Variants in SLC49A4 observed in about 807,000 individuals in gnomAD.
The protein encoded by SLC49A4 is disrupted in renal cancer protein 2.
A neutral mutation model predicts 50.6 loss-of-function variants in SLC49A4; 36 were observed. The observed-to-expected ratio is 0.71, with a 90% CI of 0.55 to 0.94. The LOEUF is 0.94. Among genes scored for constraint, SLC49A4 ranks in the 40% least tolerant of loss-of-function variants. SLC49A4 has a pLI of 0.00. For missense variants in SLC49A4, 503 were observed against 605.7 expected, an observed-to-expected ratio of 0.83 and a Z score of 1.78; for synonymous variants, 248 against 241.2, an observed-to-expected ratio of 1.03 and a Z score of -0.26.
At position 122,795,519 on chromosome 3, in the gene SLC49A4, G is replaced by A. The variant is rs1033396743; in HGVS notation, c.327G>A (p.Trp109Ter). ...TCCTGCCCTGCTTCGCGTTCATGTGGCTCCTGGACAAGAGAGGTGAGGGGT... is the reference window on the plus strand; with the variant it reads ...TCCTGCCCTGCTTCGCGTTCATGTGACTCCTGGACAAGAGAGGTGAGGGGT... ...IGFLPCFAFM[W>*]LLDKRGLRIT... Residue 109 changes from tryptophan to a stop codon, truncating the protein, a stop_gained, in exon 1 of 9, where the codon TGG becomes TGA. Coordinates refer to ENST00000261038, the MANE Select transcript of SLC49A4 (RefSeq NM_032839.3). LOFTEE classifies it high-confidence loss of function. 6.2e-7 allele frequency: 1 copy of A among 1,600,014 alleles called. No individual in the cohort carries two copies. The highest frequency in any genetic ancestry group is 1.7e-5 in the Admixed American group (1 of 59,512).
intron 3 of SLC49A4, among the ~76,000 whole-genome samples, chr3:122,828,372 C>G (rs2877665): frequency 0.17 from 25,410 of 152,120 alleles, 3,049 homozygotes; most frequent in East Asian, 0.52. Context: ...CCTGGAGATG[C>G]AGCTTCTAAA....
At chr3:122,838,306 T>C (rs1321854752) in intron 4 of SLC49A4, among the ~76,000 whole-genome samples, 5 of 152,112 alleles carry the variant, frequency 3.3e-5, no homozygotes, top group Non-Finnish European at 7.4e-5. Context: ...GGAACCAACC[T>C]AAATATCCAA....
chr3:122,859,585 G>A (rs189941625), intron 6 of SLC49A4, among the ~76,000 whole-genome samples: 22 of 152,324 alleles, frequency 1.4e-4, no homozygotes, highest in Admixed American at 8.5e-4. Context: ...GGTGGCTCAT[G>A]CCTGTAATAC....
At chr3:122,834,053 G>GTAT (rs1341945166) in intron 4 of SLC49A4, among the ~76,000 whole-genome samples, 1 of 151,942 alleles carries the variant, frequency 6.6e-6, no homozygotes, top group Non-Finnish European at 1.5e-5. Context: ...TTAATTCTTG[G>GTAT]GATATATAAA....
intron 2 of SLC49A4, among the ~76,000 whole-genome samples, chr3:122,822,479 C>T (rs1030971362): frequency 2.6e-5 from 4 of 152,116 alleles, no homozygotes; most frequent in Admixed American, 2.0e-4. Flanking sequence ...ATCTAGATTT[C>T]GATTTCCTCA....
Position 122,856,515 on chromosome 3 carries a change from C to G in SLC49A4, c.1010+141C>G, listed in dbSNP as rs761313479. On this transcript the variant is annotated intron_variant, in intron 6 of 8. Transcript: ENST00000261038. ...CAGAAAGGGGTACTTGTTCAGAGTA[C>G]AAGAAAATTCATATGCGTTATATAG... The G allele has an allele frequency of 9.0e-5, 68 of 757,138 alleles. 1 individual carries two copies. The highest frequency in any genetic ancestry group is 1.7e-4 in the Admixed American group (7 of 42,042). 46.9% of individuals were successfully genotyped at this position (757,138 alleles called of 1,614,324 possible).
At chr3:122,867,579 T>C (rs966668682) in intron 7 of SLC49A4, among the ~76,000 whole-genome samples, 1 of 152,256 alleles carries the variant, frequency 6.6e-6, no homozygotes, top group African/African-American at 2.4e-5. Flanking sequence ...TAATTGTTAT[T>C]GCTGTCTTGA....
chr3:122,830,428 A>C (rs1172320648), intron 3 of SLC49A4, among the ~76,000 whole-genome samples: 1 of 152,214 alleles, frequency 6.6e-6, no homozygotes, highest in Non-Finnish European at 1.5e-5. Context: ...ACAAAGCTAT[A>C]AGATAGCATA....
At position 122,831,344 on chromosome 3, in the gene SLC49A4, C is replaced by T. The variant is rs552283617; in HGVS notation, c.704-1973C>T. ...TATACATGAGCATTATTTATAATAG[C>T]GAAAAAGTGGAAACAACCCAGATGT... On this transcript the variant is annotated intron_variant, in intron 3 of 8. Transcript: ENST00000261038. Among the ~76,000 whole-genome samples, 16 of 151,886 alleles carry T rather than the reference C, an allele frequency of 1.1e-4. No individual in the cohort carries two copies. In the East Asian group the frequency reaches 3.1e-3, roughly 29 times the overall value.
At chr3:122,871,071 G>C (rs1217245671) in intron 7 of SLC49A4, among the ~76,000 whole-genome samples, 1 of 152,078 alleles carries the variant, frequency 6.6e-6, no homozygotes, top group Non-Finnish European at 1.5e-5. Context: ...ATTTATCATA[G>C]CTATCAGATG....
rs1302376882 is a variant in SLC49A4 at position 122,872,540 on chromosome 3, T to TAAAAA, written c.1264_1265insAAAAA (p.Phe422Ter). ...AGGAATTACTTGTGGAGTTGTCACT[T>TAAAAA]TTTTAAGTAATATGTTTATGGGAGT... On this transcript the variant is annotated stop_gained and frameshift_variant, in exon 8 of 9. Transcript: ENST00000261038. LOFTEE classifies it high-confidence loss of function. The TAAAAA allele has an allele frequency of 6.2e-7, 1 of 1,609,860 alleles. No individual in the cohort carries two copies. The highest frequency in any genetic ancestry group is 8.5e-7 in the Non-Finnish European group (1 of 1,176,450).
intron 4 of SLC49A4, among the ~76,000 whole-genome samples, chr3:122,836,959 C>T (rs1936695724): frequency 6.6e-6 from 1 of 152,138 alleles, no homozygotes; most frequent in Admixed American, 6.5e-5. Flanking sequence ...CTCCCATTCA[C>T]AATTGCTTCA....
At chr3:122,795,995 A>C (rs1475650253) in intron 1 of SLC49A4, among the ~76,000 whole-genome samples, 5 of 152,242 alleles carry the variant, frequency 3.3e-5, no homozygotes, top group African/African-American at 9.6e-5. Context: ...ACTCCAGCCC[A>C]GGAAGAGCTA....
intron 4 of SLC49A4, among the ~76,000 whole-genome samples, chr3:122,844,274 T>G (rs934478983): frequency 6.6e-6 from 1 of 152,150 alleles, no homozygotes; most frequent in Non-Finnish European, 1.5e-5. Context: ...GGTCTCACTA[T>G]CTTGCTCAGG....
chr3:122,814,131 C>T (rs1219741558), intron 2 of SLC49A4, among the ~76,000 whole-genome samples: 1 of 152,128 alleles, frequency 6.6e-6, no homozygotes, highest in Non-Finnish European at 1.5e-5. Flanking sequence ...ATTATCCAGG[C>T]ATGGTGCATT....
intron 2 of SLC49A4, among the ~76,000 whole-genome samples, chr3:122,816,505 A>G (rs1270329535): frequency 6.6e-6 from 1 of 152,192 alleles, no homozygotes; most frequent in Non-Finnish European, 1.5e-5. Context: ...AGTCAGTGCC[A>G]ATATGTTGTG....
chr3:122,825,840 TA>T (rs1936518349), intron 2 of SLC49A4, among the ~76,000 whole-genome samples: 1 of 152,106 alleles, frequency 6.6e-6, no homozygotes, highest in South Asian at 2.1e-4. Context: ...AGGCAGCTCT[TA>T]AATGTGAATG....
At chr3:122,833,570 T>A in intron 4 of SLC49A4, 124 bp downstream of exon 4, 1 of 807,076 alleles carries the variant, frequency 1.2e-6, no homozygotes, top group Non-Finnish European at 1.8e-6. Flanking sequence ...AAGTAATTGA[T>A]AAAATACTAA....
At chr3:122,863,902 T>A (rs1937084933) in intron 7 of SLC49A4, among the ~76,000 whole-genome samples, 1 of 152,220 alleles carries the variant, frequency 6.6e-6, no homozygotes, top group African/African-American at 2.4e-5. Context: ...CTTTGTCTTT[T>A]TTTTTTGAGA....
Sources: allele counts gnomAD v4.1 joint callset (sites outside exome capture counted in the v4.1 genomes callset), GRCh38; gene constraint gnomAD v4.1.1; transcripts MANE v1.5; gene names NCBI Gene and HGNC (gene_info 2026-07-23, HGNC 2026-07-21).